PIK3C2G: variants seen among roughly 807,000 people sequenced by gnomAD.
PIK3C2G encodes the protein phosphatidylinositol 3-kinase C2 domain-containing subunit gamma.
A neutral mutation model predicts 181.1 loss-of-function variants in PIK3C2G; 168 were observed. The ratio of observed to expected loss-of-function variants is 0.93; its 90% CI spans 0.82 to 1.05. The LOEUF is 1.05. Ranked by LOEUF, PIK3C2G falls within the 50% of genes least tolerant of loss-of-function variation. PIK3C2G has a pLI of 0.00. For synonymous variants in PIK3C2G, 573 were observed against 592.2 expected (o/e 0.97, Z 0.47); for missense variants, 1,869 against 1,732.8 (o/e 1.08, Z -1.40).
At chr12:18,537,155 A>G (rs1433350993) in intron 24 of PIK3C2G, among the ~76,000 whole-genome samples, 4 of 152,122 alleles carry the variant, frequency 2.6e-5, no homozygotes, top group Non-Finnish European at 5.9e-5. Flanking sequence ...CTGTCAGATC[A>G]GTGAAATTTT....
At chr12:18,567,615 G>A (rs188746243) in intron 29 of PIK3C2G, among the ~76,000 whole-genome samples, 1 of 151,764 alleles carries the variant, frequency 6.6e-6, no homozygotes, top group East Asian at 2.0e-4. Flanking sequence ...AATCATTCCC[G>A]ATGCAATAAT....
chr12:18,344,285 C>CACGTACAA (rs576883863), intron 10 of PIK3C2G, among the ~76,000 whole-genome samples: 94 of 152,174 alleles, frequency 6.2e-4, no homozygotes, highest in African/African-American at 2.2e-3. Flanking sequence ...AGTAAAGAGT[C>CACGTACAA]ACGTACAAAA....
intron 2 of PIK3C2G, among the ~76,000 whole-genome samples, chr12:18,286,437 T>A (rs1164102489): frequency 6.6e-6 from 1 of 152,084 alleles, no homozygotes; most frequent in African/African-American, 2.4e-5. Context: ...AAACCTTTGA[T>A]ATGTGTGATA....
intron 8 of PIK3C2G, among the ~76,000 whole-genome samples, chr12:18,338,136 C>G (rs1477876287): frequency 6.6e-6 from 1 of 152,126 alleles, no homozygotes; most frequent in Non-Finnish European, 1.5e-5. Context: ...TCTTCCTTAC[C>G]ACTTCCTCTC....
intron 6 of PIK3C2G, among the ~76,000 whole-genome samples, chr12:18,318,765 C>A (rs2087644163): frequency 1.3e-5 from 2 of 150,258 alleles, no homozygotes; most frequent in African/African-American, 2.5e-5. Flanking sequence ...ATAATTTAAT[C>A]CTCATTTCAA....
chr12:18,693,027 C>A, the PIK3C2G span: 7 of 1,436,716 alleles, frequency 4.9e-6, no homozygotes, highest in African/African-American at 1.4e-5. Context: ...AAATCAGGAA[C>A]AAATGAAACC....
At chr12:18,246,251 A>G (rs1392598227), upstream of PIK3C2G, among the ~76,000 whole-genome samples, 2 of 152,280 alleles carry the variant, frequency 1.3e-5, no homozygotes, top group African/African-American at 2.4e-5. Flanking sequence ...TGGCTTCCCA[A>G]TGAAGCATAG....
the PIK3C2G span, among the ~76,000 whole-genome samples, chr12:18,707,019 T>C: frequency 6.6e-6 from 1 of 152,214 alleles, no homozygotes; most frequent in Non-Finnish European, 1.5e-5. Context: ...CACATCTCTC[T>C]AATCTCTGTC....
chr12:18,257,224 A>C (rs575045088), upstream of PIK3C2G, among the ~76,000 whole-genome samples: 2 of 152,214 alleles, frequency 1.3e-5, no homozygotes, highest in South Asian at 2.1e-4. Flanking sequence ...GCATGTGACC[A>C]GTTGAAACTC....
the PIK3C2G span, among the ~76,000 whole-genome samples, chr12:18,712,311 C>T: frequency 6.6e-6 from 1 of 152,086 alleles, no homozygotes; most frequent in Non-Finnish European, 1.5e-5. Flanking sequence ...GAGTAGGATT[C>T]ATAAACTGAG....
chr12:18,324,236 G>T (rs2137487653), intron 7 of PIK3C2G, among the ~76,000 whole-genome samples: 1 of 151,626 alleles, frequency 6.6e-6, no homozygotes, highest in East Asian at 1.9e-4. Context: ...AAAAACCACT[G>T]CCATTGCCCA....
chr12:18,589,947 G>C (rs1392072437), intron 29 of PIK3C2G, among the ~76,000 whole-genome samples: 10 of 151,826 alleles, frequency 6.6e-5, no homozygotes, highest in African/African-American at 2.4e-4. Context: ...TCTCCTGCCT[G>C]TACCCCATCA....
intron 22 of PIK3C2G, among the ~76,000 whole-genome samples, 169 bp from the exon 23 acceptor site, chr12:18,503,112 T>G (rs561082036): frequency 6.6e-6 from 1 of 152,304 alleles, no homozygotes; most frequent in East Asian, 1.9e-4. Flanking sequence ...TCCAGGATTT[T>G]GGGAAGAATT....
chr12:18,580,254 G>A (rs1057281261), intron 29 of PIK3C2G, among the ~76,000 whole-genome samples: 1 of 152,138 alleles, frequency 6.6e-6, no homozygotes, highest in Non-Finnish European at 1.5e-5. Flanking sequence ...TCAAACAGCT[G>A]TTGTTTTTAA....
chr12:18,536,887 A>G (rs1293630660), intron 24 of PIK3C2G, among the ~76,000 whole-genome samples: 1 of 152,140 alleles, frequency 6.6e-6, no homozygotes, highest in Non-Finnish European at 1.5e-5. Flanking sequence ...TATGTGCTCA[A>G]TAAATTTTGT....
rs1421301725 is a variant in PIK3C2G, at chr12:18,362,973, T to A, written c.1748+87T>A. 2.2e-5 allele frequency: 22 copies of A among 996,550 alleles called. 2 individuals are homozygous for A. Among genetic ancestry groups the A allele is most frequent in the South Asian group, 1.1e-4 (6 of 53,090 alleles). The allele number at this position is 996,550 out of a possible 1,614,324, so 61.7% of individuals were successfully genotyped here. Reference sequence around the variant, plus strand: ...TTTTTTAAAAGCAAGGGATGTAATTTAAAAAAAATATGCTGCCAGTTGATT... The same window carrying A: ...TTTTTTAAAAGCAAGGGATGTAATTAAAAAAAAATATGCTGCCAGTTGATT... On this transcript the variant is annotated intron_variant, in intron 12 of 32. Transcript: ENST00000538779.
chr12:18,255,605 A>G (rs549765978), intron 1 of PIK3C2G, among the ~76,000 whole-genome samples: 2 of 152,330 alleles, frequency 1.3e-5, no homozygotes, highest in Admixed American at 6.5e-5. Context: ...GAGCGCACAG[A>G]TAATTCTTTT....
intron 25 of PIK3C2G, among the ~76,000 whole-genome samples, chr12:18,541,631 A>G (rs923782449): frequency 3.9e-5 from 6 of 151,950 alleles, no homozygotes; most frequent in Non-Finnish European, 8.8e-5. Flanking sequence ...TTAAGAGAAC[A>G]GAAGTAAAGA....
At chr12:18,506,183 A>G (rs971813192) in intron 24 of PIK3C2G, among the ~76,000 whole-genome samples, 1 of 152,166 alleles carries the variant, frequency 6.6e-6, no homozygotes, top group Non-Finnish European at 1.5e-5. Context: ...ACAACAGCAC[A>G]TACAATAGCA....
Sources: gnomAD v4.1 joint callset for allele counts (sites outside exome capture counted in the v4.1 genomes callset) on GRCh38, gnomAD v4.1.1 for gene constraint, MANE v1.5 for transcripts, NCBI Gene and HGNC (gene_info 2026-07-23, HGNC 2026-07-21) for gene names.